The following DNAH3 variants were observed in gnomAD, a reference collection of about 807,000 sequenced individuals.
DNAH3 encodes the protein dynein axonemal heavy chain 3.
A neutral mutation model predicts 432.5 loss-of-function variants in DNAH3; 332 were observed. The ratio of observed to expected loss-of-function variants is 0.77; its 90% CI spans 0.70 to 0.84. The LOEUF is 0.84. DNAH3 is among the 40% of genes least tolerant of loss of function. DNAH3 has a pLI of 0.00. For synonymous variants in DNAH3, 1,956 were observed against 1,900.2 expected, an observed-to-expected ratio of 1.03 and a Z score of -0.76; for missense variants, 4,861 against 5,114.0, an observed-to-expected ratio of 0.95 and a Z score of 1.51.
chr16:20,988,297 A>G (rs2152675391), intron 44 of DNAH3, among the ~76,000 whole-genome samples: 1 of 152,358 alleles, frequency 6.6e-6, no homozygotes. Context: ...AGTGCTCAAG[A>G]GCCACATGTG....
chr16:20,950,884 G>A (rs1183959870), intron 56 of DNAH3, among the ~76,000 whole-genome samples: 1 of 151,722 alleles, frequency 6.6e-6, no homozygotes, highest in African/African-American at 2.4e-5. Context: ...GTGCAGTGGT[G>A]TGATCATAGC....
chr16:20,998,867 GATA>G (rs2086889198), intron 43 of DNAH3, among the ~76,000 whole-genome samples: 1 of 151,794 alleles, frequency 6.6e-6, no homozygotes, highest in African/African-American at 2.4e-5. Flanking sequence ...CATATAATCC[GATA>G]ATAACTTTAT....
intron 1 of DNAH3, among the ~76,000 whole-genome samples, chr16:21,154,931 A>G (rs1024013045): frequency 2.7e-5 from 4 of 150,524 alleles, no homozygotes; most frequent in Admixed American, 6.6e-5. Flanking sequence ...CAAGTTTCTC[A>G]ATCTTCTTTT....
rs144766906 is a variant in DNAH3 at position 21,140,759 on chromosome 16, G to T, written c.522-49C>A. 58 of 1,577,216 alleles carry T rather than the reference G, an allele frequency of 3.7e-5. No homozygotes were observed. The East Asian group carries it at 1.2e-3, about 33-fold the overall frequency. ...CCTTGGTGTTTGGTTCTCCAGAGAG[G>T]TGCTGTGGTGTTGCCTACTTTCCCT... On this transcript the variant is annotated intron_variant, in intron 4 of 61. Transcript: ENST00000261383.
intron 40 of DNAH3, among the ~76,000 whole-genome samples, chr16:21,020,397 ATTTTTTT>A (rs56049638): frequency 8.7e-4 from 30 of 34,572 alleles, no homozygotes; most frequent in East Asian, 5.2e-3. Context: ...ATATATATAT[ATTTTTTT>A]TTTTTTTTTT....
chr16:21,063,740 G>A lies in DNAH3; in HGVS notation c.3519-1057C>T, dbSNP rs184327667. Reference sequence around the variant, plus strand: ...GTATACTTTGTAGAGATGGGGTCTTGCCATGTTGGCCAGGCTAGTCTCAAA... The same window carrying A: ...GTATACTTTGTAGAGATGGGGTCTTACCATGTTGGCCAGGCTAGTCTCAAA... On this transcript the variant is annotated intron_variant, in intron 24 of 61. Transcript: ENST00000261383. Among the ~76,000 whole-genome samples the A allele has an allele frequency of 1.4e-4, 22 of 151,996 alleles. No homozygotes were observed. In the East Asian group the frequency reaches 3.1e-3, roughly 21 times the overall value.
intron 44 of DNAH3, among the ~76,000 whole-genome samples, chr16:20,989,667 A>C (rs2086441167): frequency 6.6e-6 from 1 of 152,198 alleles, no homozygotes; most frequent in Non-Finnish European, 1.5e-5. Context: ...TGGGTGGTCG[A>C]TGGGACTGGG....
At chr16:21,034,793 G>C (rs2089079172) in intron 35 of DNAH3, among the ~76,000 whole-genome samples, 2 of 152,200 alleles carry the variant, frequency 1.3e-5, no homozygotes, top group Non-Finnish European at 2.9e-5. Context: ...GTAGAGAAAG[G>C]AACACATGTA....
At position 20,940,211 on chromosome 16, in the gene DNAH3, C is replaced by G. The variant is rs369245483; in HGVS notation, c.11654+1190G>C. ...GAGCAACCTTGGGCAAGTCTTAACC[C>G]TTCTGAATCTCAGAGTTTTTTTTTA... On this transcript the variant is annotated intron_variant, in intron 59 of 61. Coordinates refer to ENST00000261383, the Ensembl canonical transcript of DNAH3. 3.3e-5 allele frequency among the ~76,000 whole-genome samples: 5 copies of G among 152,122 alleles called. No individual in the cohort carries two copies. In the East Asian group the frequency reaches 9.6e-4, roughly 29 times the overall value.
rs555343346 is a variant in DNAH3 at position 21,132,133 on chromosome 16, C to T, written c.1082+2126G>A. Among the ~76,000 whole-genome samples the T allele has an allele frequency of 3.9e-5, 6 of 152,256 alleles. No individual in the cohort carries two copies. The South Asian group carries it at 1.2e-3, about 32-fold the overall frequency. Reference sequence around the variant, plus strand: ...AGAAAAGAATACAGCTATTTCTTTTCACTGATGGGCTCTGTCCTACGTTGA... The same window carrying T: ...AGAAAAGAATACAGCTATTTCTTTTTACTGATGGGCTCTGTCCTACGTTGA... On this transcript the variant is annotated intron_variant, in intron 7 of 61. Transcript: ENST00000261383.
intron 9 of DNAH3, among the ~76,000 whole-genome samples, chr16:21,122,815 T>C (rs1175452217): frequency 1.3e-5 from 2 of 150,666 alleles, no homozygotes; most frequent in East Asian, 4.1e-4. Context: ...TTTTTTTTAA[T>C]TTATTTTATT....
At chr16:20,933,400 C>A in exon 62 of DNAH3, 1 of 1,614,146 alleles carries the variant, frequency 6.2e-7, no homozygotes, top group Non-Finnish European at 8.5e-7. Flanking sequence ...GGAGAGATTC[C>A]CCAATCTGCA....
chr16:21,154,193 CAG>C (rs1393154816), intron 1 of DNAH3, among the ~76,000 whole-genome samples: 1 of 152,212 alleles, frequency 6.6e-6, no homozygotes, highest in Non-Finnish European at 1.5e-5. Flanking sequence ...CGCCTGAGGT[CAG>C]GGGTTCAAGA....
chr16:20,933,376 A>T lies in DNAH3; in HGVS notation c.12129T>A (p.Tyr4043Ter). Residue 4043 changes from tyrosine (Y) to a stop codon, truncating the protein, a stop_gained, in exon 62 of 62, where the codon TAT becomes TAA. Coordinates refer to ENST00000261383, the Ensembl canonical transcript of DNAH3. LOFTEE classifies it high-confidence loss of function. ...TCAGCCAAATGATGGGCAGTGGGTC[A>T]TAGAGGATTTTGGGGAGAGATTCCC... 1 of 1,614,236 alleles carries T rather than the reference A, an allele frequency of 6.2e-7. No homozygotes were observed. The highest frequency in any genetic ancestry group is 8.5e-7 in the Non-Finnish European group (1 of 1,180,038).
Position 20,965,401 on chromosome 16 carries a change from C to CCCCA in DNAH3, c.8479_8482dup (p.Gly2828ValfsTer18). The CCCCA allele has an allele frequency of 6.6e-7, 1 of 1,526,200 alleles. No homozygotes were observed. The highest frequency in any genetic ancestry group is 8.8e-7 in the Non-Finnish European group (1 of 1,137,164). 94.5% of individuals were successfully genotyped at this position (1,526,200 alleles called of 1,614,324 possible). A position where few individuals can be genotyped will look rare whatever the true frequency, so the allele number is the denominator to read the frequency against. On this transcript the variant is annotated frameshift_variant, in exon 53 of 62. Transcript: ENST00000261383. LOFTEE classifies it high-confidence loss of function. Reference sequence around the variant, plus strand: ...ATCCCCAAGAATCTTTTTGGATACCCCCCAGTAATCTTCTATCATCTTACC... The same window carrying CCCCA: ...ATCCCCAAGAATCTTTTTGGATACCCCCCACCCAGTAATCTTCTATCATCTTACC...
chr16:20,991,472 C>T (rs2086555645), intron 44 of DNAH3, among the ~76,000 whole-genome samples: 1 of 152,154 alleles, frequency 6.6e-6, no homozygotes, highest in African/African-American at 2.4e-5. Flanking sequence ...CCATATTGGC[C>T]AGGCTGGTCT....
At chr16:20,950,934 T>C (rs1333417166) in intron 56 of DNAH3, among the ~76,000 whole-genome samples, 1 of 151,950 alleles carries the variant, frequency 6.6e-6, no homozygotes, top group Non-Finnish European at 1.5e-5. Context: ...GCGATCCTCC[T>C]GCCTCAGCCT....
At chr16:21,086,643 G>T (rs368386264) in intron 19 of DNAH3, among the ~76,000 whole-genome samples, 1 of 152,196 alleles carries the variant, frequency 6.6e-6, no homozygotes, top group South Asian at 2.1e-4. Context: ...GGGTTCCAAG[G>T]AAAGGGCCAA....
At chr16:21,070,746 G>T (rs780444002) in exon 22 of DNAH3, 1 of 1,612,768 alleles carries the variant, frequency 6.2e-7, no homozygotes, top group East Asian at 2.2e-5. Flanking sequence ...TGAATGGGGA[G>T]CCACACATGG....
Sources: gnomAD v4.1 joint callset for allele counts (sites outside exome capture counted in the v4.1 genomes callset) on GRCh38, gnomAD v4.1.1 for gene constraint, MANE v1.5 for transcripts, NCBI Gene and HGNC (gene_info 2026-07-23, HGNC 2026-07-21) for gene names.